The following STX8 variants were observed in gnomAD, a reference collection of about 807,000 sequenced individuals.
The protein encoded by STX8 is syntaxin 8.
STX8 carries 23 observed loss-of-function variants against 37.5 expected under a neutral mutation model. The observed-to-expected ratio is 0.61, with a 90% CI of 0.44 to 0.87. The LOEUF (loss-of-function observed/expected upper bound fraction) is 0.87. STX8 is among the 40% of genes least tolerant of loss of function. The pLI, the probability that STX8 is intolerant of heterozygous loss-of-function variation, is 0.00. For synonymous variants in STX8, 115 were observed against 99.1 expected (o/e 1.16, Z -0.95); for missense variants, 313 against 284.7 (o/e 1.10, Z -0.71).
intron 7 of STX8, among the ~76,000 whole-genome samples, chr17:9,344,276 T>G (rs1461849164): frequency 2.7e-5 from 4 of 147,022 alleles, no homozygotes; most frequent in Non-Finnish European, 6.0e-5. Flanking sequence ...TTTTTTTTTT[T>G]TTGAGATAGA....
At position 9,360,391 on chromosome 17, in the gene STX8, C is replaced by T. The variant is rs894629122; in HGVS notation, c.643+18161G>A. On this transcript the variant is annotated intron_variant, in intron 7 of 7. Transcript: ENST00000306357. ...CTGGGATTACAGTCGTGCACCACCA[C>T]GCCCAGCTCATTTTTGTTATTTTTA... 2.2e-4 allele frequency among the ~76,000 whole-genome samples: 33 copies of T among 151,658 alleles called. 1 individual carries two copies. In the East Asian group the frequency reaches 4.1e-3, roughly 19 times the overall value.
intron 6 of STX8, among the ~76,000 whole-genome samples, chr17:9,395,599 A>C (rs1225231324): frequency 6.6e-6 from 1 of 152,152 alleles, no homozygotes; most frequent in African/African-American, 2.4e-5. Context: ...CAAAACAAAA[A>C]AATGCACAAA....
rs545462119 is a variant in STX8 at position 9,461,731 on chromosome 17, C to T, written c.541+30098G>A. 2.6e-3 allele frequency among the ~76,000 whole-genome samples: 400 copies of T among 152,082 alleles called. 1 individual carries two copies. The highest frequency in any genetic ancestry group is 5.6e-3 in the South Asian group (27 of 4,820). On this transcript the variant is annotated intron_variant, in intron 6 of 7. Transcript: ENST00000306357. ...TGATTCAAGCATATTACATTTATCG[C>T]GCACTTTATTTCTATTATTATTATT...
intron 7 of STX8, among the ~76,000 whole-genome samples, chr17:9,348,374 C>T (rs888783872): frequency 3.1e-4 from 44 of 144,100 alleles, no homozygotes; most frequent in East Asian, 2.1e-4. Flanking sequence ...GCCGAGATTG[C>T]GCCACTGCAC....
chr17:9,445,778 T>C (rs1329020433), intron 6 of STX8, among the ~76,000 whole-genome samples: 1 of 150,736 alleles, frequency 6.6e-6, no homozygotes, highest in East Asian at 1.9e-4. Context: ...TCAATAGCAG[T>C]TTTTTTGCAC....
At chr17:9,398,583 T>A (rs1461825793) in intron 6 of STX8, among the ~76,000 whole-genome samples, 2 of 152,206 alleles carry the variant, frequency 1.3e-5, no homozygotes, top group Non-Finnish European at 2.9e-5. Context: ...TATATCAATA[T>A]CGGCCCATTA....
chr17:9,543,014 G>A (rs1229668991), intron 4 of STX8, among the ~76,000 whole-genome samples: 1 of 152,168 alleles, frequency 6.6e-6, no homozygotes, highest in Non-Finnish European at 1.5e-5. Context: ...TTCCTAGGTT[G>A]GCCCCTTCAG....
At chr17:9,533,958 A>G (rs573591945) in intron 4 of STX8, among the ~76,000 whole-genome samples, 99 of 152,250 alleles carry the variant, frequency 6.5e-4, no homozygotes, top group African/African-American at 2.3e-3. Context: ...CAGCAACCCC[A>G]TTCTCCCATC....
chr17:9,331,080 G>A (rs113709152), intron 7 of STX8, among the ~76,000 whole-genome samples: 16 of 152,248 alleles, frequency 1.1e-4, no homozygotes, highest in African/African-American at 2.9e-4. Flanking sequence ...CTTGTGTGTC[G>A]GAGAAGCCCT....
intron 2 of STX8, among the ~76,000 whole-genome samples, chr17:9,559,856 G>A (rs1483947868): frequency 0.11 from 4 of 36 alleles, no homozygotes; most frequent in Admixed American, 0.25. Flanking sequence ...TCCGCCTCCC[G>A]TTTTAAGCGA....
rs1446845604 is a variant in STX8, at chr17:9,552,687, C to T, written c.212+4747G>A. The T allele has an allele frequency of 6.1e-5, 9 of 146,426 alleles. No individual in the cohort carries two copies. The East Asian group carries it at 1.8e-3, about 29-fold the overall frequency. The allele number at this position is 146,426 out of a possible 1,614,324, so 9.1% of individuals were successfully genotyped here. A position where few individuals can be genotyped will look rare whatever the true frequency, so the allele number is the denominator to read the frequency against. ...TTTTTTTTTGAGACGGAGTCTCGCTCTTTTGCCCAGACTGGAGTGCAGTGG... is the reference window on the plus strand; with the variant it reads ...TTTTTTTTTGAGACGGAGTCTCGCTTTTTTGCCCAGACTGGAGTGCAGTGG... On this transcript the variant is annotated intron_variant, in intron 3 of 7. Coordinates refer to ENST00000306357, the MANE Select transcript of STX8 (RefSeq NM_004853.3).
chr17:9,324,765 C>CAAAAA lies in STX8; in HGVS notation c.643+53782_643+53786dup, dbSNP rs534392223. Among the ~76,000 whole-genome samples the CAAAAA allele has an allele frequency of 2.0e-3, 91 of 45,796 alleles. 1 individual carries two copies. Among genetic ancestry groups the CAAAAA allele is most frequent in the African/African-American group, 5.5e-3 (74 of 13,464 alleles). The allele number at this position is 45,796 out of a possible 152,430, so 30.0% of individuals were successfully genotyped here. The stretch of plus-strand genomic sequence containing the variant: ...GGGTGACAAGAGCAAAACTCCATCT[C>CAAAAA]AAAAAAAAAAAAAAAAAAAAAAGAG... On this transcript the variant is annotated intron_variant, in intron 7 of 7. Coordinates refer to ENST00000306357, the MANE Select transcript of STX8 (RefSeq NM_004853.3).
At chr17:9,267,996 GAAA>G (rs34300236) in intron 7 of STX8, among the ~76,000 whole-genome samples, 14 of 121,314 alleles carry the variant, frequency 1.2e-4, no homozygotes, top group East Asian at 2.5e-4. Context: ...TGCCTAAAAA[GAAA>G]AAAAAAAAAA....
intron 7 of STX8, among the ~76,000 whole-genome samples, chr17:9,285,966 G>T (rs1339838370): frequency 6.6e-6 from 1 of 151,904 alleles, no homozygotes; most frequent in African/African-American, 2.4e-5. Context: ...CCATATTACC[G>T]CATCCCACAC....
chr17:9,273,422 G>C (rs1330515124), intron 7 of STX8: 2 of 152,236 alleles, frequency 1.3e-5, no homozygotes, highest in South Asian at 2.1e-4. Context: ...ACTAAGATGG[G>C]GGTGAGCCTG....
chr17:9,452,154 T>G (rs1190806995), intron 6 of STX8: 1 of 151,336 alleles, frequency 6.6e-6, no homozygotes. Flanking sequence ...TTCTTTGACT[T>G]TTTTTTTTCT....
At chr17:9,472,796 T>C (rs970915004) in intron 6 of STX8, among the ~76,000 whole-genome samples, 2 of 152,162 alleles carry the variant, frequency 1.3e-5, no homozygotes, top group African/African-American at 4.8e-5. Flanking sequence ...GGCCTTTTCC[T>C]TGACAAGTGT....
At chr17:9,463,203 T>C (rs888829115) in intron 6 of STX8, among the ~76,000 whole-genome samples, 1 of 152,208 alleles carries the variant, frequency 6.6e-6, no homozygotes, top group Non-Finnish European at 1.5e-5. Context: ...TATTTAATTC[T>C]CTGAGTCTCA....
chr17:9,272,402 T>C (rs1202214958), intron 7 of STX8, among the ~76,000 whole-genome samples: 1 of 152,216 alleles, frequency 6.6e-6, no homozygotes, highest in Non-Finnish European at 1.5e-5. Flanking sequence ...ATGTGATCTC[T>C]GGATGCCCAT....
Sources: allele counts gnomAD v4.1 joint callset (sites outside exome capture counted in the v4.1 genomes callset), GRCh38; gene constraint gnomAD v4.1.1; transcripts MANE v1.5; gene names NCBI Gene and HGNC (gene_info 2026-07-23, HGNC 2026-07-21).